RALYL: variants seen among roughly 807,000 people sequenced by gnomAD.
RALYL encodes the protein RALY RNA binding protein like.
A neutral mutation model predicts 35.1 loss-of-function variants in RALYL; 29 were observed. That is an observed-to-expected ratio of 0.83 (90% CI 0.61 to 1.13). RALYL has a LOEUF of 1.13. RALYL is among the 50% of genes most tolerant of loss of function. RALYL has a pLI of 0.00. For missense variants in RALYL, 359 were observed against 360.4 expected, an observed-to-expected ratio of 1.00 and a Z score of 0.03; for synonymous variants, 120 against 127.6, an observed-to-expected ratio of 0.94 and a Z score of 0.40.
At chr8:84,830,374 G>A (rs1016285953) in intron 4 of RALYL, among the ~76,000 whole-genome samples, 2 of 151,402 alleles carry the variant, frequency 1.3e-5, no homozygotes, top group African/African-American at 4.9e-5. Flanking sequence ...CAAAATTATC[G>A]AACTAACAGA....
chr8:84,663,155 A>G (rs1831249455), intron 2 of RALYL, among the ~76,000 whole-genome samples: 1 of 152,188 alleles, frequency 6.6e-6, no homozygotes, highest in African/African-American at 2.4e-5. Context: ...CCTGCAAAGG[A>G]CATGAGCTTG....
chr8:84,881,173 G>A (rs906909453), intron 7 of RALYL, among the ~76,000 whole-genome samples: 4 of 151,830 alleles, frequency 2.6e-5, no homozygotes, highest in Admixed American at 2.6e-4. Context: ...AACATTCTAT[G>A]TAATTTTCCT....
intron 1 of RALYL, among the ~76,000 whole-genome samples, chr8:84,475,038 C>A (rs1051714196): frequency 6.6e-6 from 1 of 151,882 alleles, no homozygotes. Flanking sequence ...TTAGGTATTT[C>A]TCCTAATGCT....
At chr8:84,542,027 T>C (rs73688502) in intron 2 of RALYL, among the ~76,000 whole-genome samples, 322 of 152,218 alleles carry the variant, frequency 2.1e-3, no homozygotes, top group African/African-American at 7.3e-3. Flanking sequence ...AATAACCTAT[T>C]CACATTTAAT....
intron 8 of RALYL, among the ~76,000 whole-genome samples, chr8:84,918,405 C>A (rs920417452): frequency 1.3e-5 from 2 of 151,974 alleles, no homozygotes; most frequent in Admixed American, 1.3e-4. Context: ...TCAATACAAT[C>A]CAGTCCCATC....
intron 8 of RALYL, among the ~76,000 whole-genome samples, chr8:84,890,011 CAGA>C (rs1351771991): frequency 3.9e-5 from 6 of 152,162 alleles, no homozygotes; most frequent in African/African-American, 1.2e-4. Context: ...CCATTCTCCA[CAGA>C]AGAAGGGTAA....
At chr8:84,760,082 G>A (rs926268900) in intron 2 of RALYL, among the ~76,000 whole-genome samples, 3 of 151,922 alleles carry the variant, frequency 2.0e-5, no homozygotes, top group African/African-American at 7.2e-5. Flanking sequence ...CAAGCCCCAA[G>A]CTAATTTATC....
chr8:84,220,553 A>C (rs1821951655), intron 1 of RALYL, among the ~76,000 whole-genome samples: 1 of 152,066 alleles, frequency 6.6e-6, no homozygotes, highest in Admixed American at 6.6e-5. Context: ...TAATAAATCA[A>C]GAAAAAACAT....
At chr8:84,296,493 C>T (rs555681244) in intron 1 of RALYL, among the ~76,000 whole-genome samples, 31 of 152,070 alleles carry the variant, frequency 2.0e-4, no homozygotes, top group African/African-American at 7.2e-4. Context: ...TTGAAAATGC[C>T]CCAGGCTCCT....
At chr8:84,782,582 TA>T (rs1235314036) in intron 3 of RALYL, among the ~76,000 whole-genome samples, 2 of 152,256 alleles carry the variant, frequency 1.3e-5, no homozygotes, top group East Asian at 3.8e-4. Flanking sequence ...TTCTTTTATA[TA>T]TAAAAGCATG....
intron 1 of RALYL, among the ~76,000 whole-genome samples, chr8:84,525,760 A>AT (rs900101923): frequency 6.6e-6 from 1 of 152,050 alleles, no homozygotes; most frequent in African/African-American, 2.4e-5. Context: ...CCATTCAGTG[A>AT]TTTAAAAAAA....
intron 1 of RALYL, among the ~76,000 whole-genome samples, chr8:84,518,457 A>G (rs547479286): frequency 1.1e-4 from 17 of 152,316 alleles, no homozygotes; most frequent in African/African-American, 2.9e-4. Flanking sequence ...GCAATAATGC[A>G]TTGCTAGATG....
At chr8:84,197,103 C>T (rs1815499633) in intron 1 of RALYL, among the ~76,000 whole-genome samples, 1 of 152,160 alleles carries the variant, frequency 6.6e-6, no homozygotes, top group African/African-American at 2.4e-5. Context: ...ATTTTAAAAA[C>T]AGAATGATAT....
intron 1 of RALYL, among the ~76,000 whole-genome samples, chr8:84,256,405 A>T (rs28725264): frequency 1.3e-5 from 2 of 152,100 alleles, no homozygotes; most frequent in Non-Finnish European, 2.9e-5. Flanking sequence ...ATCGAATAGC[A>T]GGTAAGGGGC....
intron 2 of RALYL, among the ~76,000 whole-genome samples, chr8:84,541,165 T>C (rs918046722): frequency 5.9e-5 from 9 of 151,952 alleles, no homozygotes; most frequent in African/African-American, 2.2e-4. Context: ...TTGCCACTCT[T>C]TTCCTAACTT....
chr8:84,206,179 A>G (rs939026907), intron 1 of RALYL, among the ~76,000 whole-genome samples: 1 of 152,230 alleles, frequency 6.6e-6, no homozygotes, highest in Admixed American at 6.5e-5. Context: ...AGTTCATAAC[A>G]TGTATGAATT....
intron 2 of RALYL, among the ~76,000 whole-genome samples, chr8:84,623,189 T>G (rs1050240573): frequency 2.0e-5 from 3 of 152,196 alleles, no homozygotes; most frequent in Non-Finnish European, 4.4e-5. Flanking sequence ...GCTGTTAGAT[T>G]TGTTGTTTTA....
At chr8:84,411,411 G>A (rs1050071284) in intron 1 of RALYL, among the ~76,000 whole-genome samples, 1 of 151,756 alleles carries the variant, frequency 6.6e-6, no homozygotes, top group Non-Finnish European at 1.5e-5. Flanking sequence ...ACAGTTCTGA[G>A]TGTCATCATA....
chr8:84,373,683 A>G (rs1197636148), intron 1 of RALYL, among the ~76,000 whole-genome samples: 1 of 151,944 alleles, frequency 6.6e-6, no homozygotes, highest in African/African-American at 2.4e-5. Flanking sequence ...TTTGCATAGG[A>G]TTGCCTTGGC....
Sources: gnomAD v4.1 joint callset for allele counts (sites outside exome capture counted in the v4.1 genomes callset) on GRCh38, gnomAD v4.1.1 for gene constraint, MANE v1.5 for transcripts, NCBI Gene and HGNC (gene_info 2026-07-23, HGNC 2026-07-21) for gene names.